UBLCP1: variants seen among roughly 807,000 people sequenced by gnomAD.
UBLCP1 encodes ubiquitin like domain containing CTD phosphatase 1.
UBLCP1 carries 28 observed loss-of-function variants against 42.4 expected under a neutral mutation model. The ratio of observed to expected loss-of-function variants is 0.66; its 90% confidence interval spans 0.49 to 0.90. UBLCP1 has a LOEUF of 0.90. UBLCP1 is among the 40% of genes least tolerant of loss of function. UBLCP1 has a pLI of 0.00. For synonymous variants in UBLCP1, 122 were observed against 120.8 expected (o/e 1.01, Z -0.07); for missense variants, 279 against 374.5 (o/e 0.75, Z 2.10).
chr5:159,285,011 G>C lies in UBLCP1; in HGVS notation c.*80G>C, dbSNP rs1753654734. 7.3e-7 allele frequency: 1 copy of C among 1,362,386 alleles called. No homozygotes were observed. The highest frequency in any genetic ancestry group is 1.0e-6 in the Non-Finnish European group (1 of 955,232). 84.4% of individuals were successfully genotyped at this position (1,362,386 alleles called of 1,614,324 possible). On this transcript the variant is annotated 3_prime_UTR_variant, in exon 11 of 11. Coordinates refer to ENST00000296786, the MANE Select transcript of UBLCP1 (RefSeq NM_145049.5). ...TTTTATGCTAGAAATCATTATGATA[G>C]TGCTGGACACTGAAGCAAATACCAT... is the stretch of plus-strand genomic sequence containing the variant.
intron 6 of UBLCP1, chr5:159,274,338 C>A: frequency 3.0e-6 from 1 of 330,680 alleles, no homozygotes; most frequent in South Asian, 7.7e-5. Context: ...GTTCAGAGTT[C>A]TTTTGAGCAT....
At position 159,263,314 on chromosome 5, in the gene UBLCP1, A is replaced by C. The variant is rs944758681; in HGVS notation, c.-93A>C. On this transcript the variant is annotated 5_prime_UTR_variant, in exon 1 of 11. Transcript: ENST00000296786. ...CACTTCCGGTCGCTTTCGGTCTCTCAGCGGCCGGTTTCTGCGTCCGCTGCC... is the reference window on the plus strand; with the variant it reads ...CACTTCCGGTCGCTTTCGGTCTCTCCGCGGCCGGTTTCTGCGTCCGCTGCC... 4.6e-5 allele frequency: 7 copies of C among 152,336 alleles called. No individual in the cohort carries two copies. The highest frequency in any genetic ancestry group is 1.0e-4 in the Non-Finnish European group (7 of 68,056). The allele number at this position is 152,336 out of a possible 1,614,324, so 9.4% of individuals were successfully genotyped here. A position where few individuals can be genotyped will look rare whatever the true frequency, so the allele number is the denominator to read the frequency against.
At chr5:159,274,891 T>C (rs1432221516) in intron 7 of UBLCP1, among the ~76,000 whole-genome samples, 2 of 152,228 alleles carry the variant, frequency 1.3e-5, no homozygotes, top group Non-Finnish European at 2.9e-5. Context: ...TTCCTTCTTT[T>C]GCTCTAGTGT....
intron 1 of UBLCP1, among the ~76,000 whole-genome samples, chr5:159,267,030 A>G (rs1562097810): frequency 6.6e-6 from 1 of 152,194 alleles, no homozygotes; most frequent in Non-Finnish European, 1.5e-5. Flanking sequence ...CAGAGTCCCT[A>G]CTGGGGCACT....
chr5:159,267,738 A>G lies in UBLCP1; in HGVS notation c.-46-1132A>G, dbSNP rs1381826956. 2.6e-5 allele frequency among the ~76,000 whole-genome samples: 4 copies of G among 152,200 alleles called. No individual in the cohort carries two copies. The East Asian group carries it at 5.8e-4, about 22-fold the overall frequency. ...TCTTTCCCATGCTATTCTCATGACA[A>G]TGAATAAGTCTCATGAGATCTGATG... is the stretch of plus-strand genomic sequence containing the variant. On this transcript the variant is annotated intron_variant, in intron 1 of 10. Transcript: ENST00000296786.
At chr5:159,275,065 G>T in intron 7 of UBLCP1, 83 bp from the exon 8 acceptor site, 1 of 1,211,284 alleles carries the variant, frequency 8.3e-7, no homozygotes, top group South Asian at 1.2e-5. Context: ...TTGGCATTAT[G>T]AGAAATTGCA....
chr5:159,285,004 T>C lies in UBLCP1; in HGVS notation c.*73T>C. The C allele has an allele frequency of 7.0e-7, 1 of 1,431,358 alleles. No homozygotes were observed. The highest frequency in any genetic ancestry group is 9.8e-7 in the Non-Finnish European group (1 of 1,015,434). 88.7% of individuals were successfully genotyped at this position (1,431,358 alleles called of 1,614,324 possible). ...TTCTTGCTTTTATGCTAGAAATCAT[T>C]ATGATAGTGCTGGACACTGAAGCAA... On this transcript the variant is annotated 3_prime_UTR_variant, in exon 11 of 11. Transcript: ENST00000296786.
chr5:159,267,331 C>T (rs146137535), intron 1 of UBLCP1, among the ~76,000 whole-genome samples: 4 of 152,138 alleles, frequency 2.6e-5, no homozygotes, highest in Non-Finnish European at 1.5e-5. Flanking sequence ...TGCATGGGCC[C>T]TGTAACCCCT....
At chr5:159,270,031 A>G (rs1357636861) in intron 3 of UBLCP1, 32 bp downstream of exon 3, 2 of 1,535,694 alleles carry the variant, frequency 1.3e-6, no homozygotes, top group African/African-American at 1.4e-5. Context: ...CCATTTGTCC[A>G]TTTGAAGATA....
Position 159,284,903 on chromosome 5 carries a change from G to A in UBLCP1, c.930-1G>A. ...TGACATCTTTATTTTATTTCTTGCA[G>A]ATATCTCTCAAAGAAGCAAGGACAG... is the stretch of plus-strand genomic sequence containing the variant. On this transcript the variant is annotated splice_acceptor_variant, in intron 10 of 10. Transcript: ENST00000296786. LOFTEE classifies it high-confidence loss of function. The A allele has an allele frequency of 6.2e-7, 1 of 1,612,888 alleles. No homozygotes were observed. The highest frequency in any genetic ancestry group is 8.5e-7 in the Non-Finnish European group (1 of 1,179,394).
intron 10 of UBLCP1, among the ~76,000 whole-genome samples, chr5:159,283,838 T>C (rs555139310): frequency 1.8e-4 from 27 of 152,156 alleles, no homozygotes; most frequent in Non-Finnish European, 3.7e-4. Context: ...AGATAACCAC[T>C]GTTACCATCT....
In UBLCP1 at chr5:159,282,720, TGTA is replaced by T. The variant is rs1398866766; in HGVS notation, c.802-490_802-488del. 4.6e-5 allele frequency among the ~76,000 whole-genome samples: 7 copies of T among 152,210 alleles called. No homozygotes were observed. In the East Asian group the frequency reaches 7.7e-4, roughly 17 times the overall value. On this transcript the variant is annotated intron_variant, in intron 9 of 10. Coordinates refer to ENST00000296786, the MANE Select transcript of UBLCP1 (RefSeq NM_145049.5). ...ATAAAGAAAAATGCTTATGATAAAA[TGTA>T]GGAGGAAACAGGTTATATAAATGTA...
In UBLCP1 at chr5:159,276,582, A is replaced by G. The variant is rs184445619; in HGVS notation, c.684+1336A>G. Among the ~76,000 whole-genome samples, 783 of 152,344 alleles carry G rather than the reference A, an allele frequency of 5.1e-3. 9 individuals are homozygous for G. Among genetic ancestry groups the G allele is most frequent in the African/African-American group, 0.018 (740 of 41,588 alleles). ...ATTAAAGGAATAAAAATAATCCTCA[A>G]TATCCAGCAATAGGGCATTGGATAT... On this transcript the variant is annotated intron_variant, in intron 8 of 10. Coordinates refer to ENST00000296786, the MANE Select transcript of UBLCP1 (RefSeq NM_145049.5).
chr5:159,266,285 C>T (rs1402275239), intron 1 of UBLCP1, among the ~76,000 whole-genome samples: 1 of 152,156 alleles, frequency 6.6e-6, no homozygotes, highest in African/African-American at 2.4e-5. Flanking sequence ...GTAAAAGTGA[C>T]TCTTGTTATG....
intron 1 of UBLCP1, among the ~76,000 whole-genome samples, chr5:159,267,560 G>A (rs1413306037): frequency 6.6e-6 from 1 of 152,168 alleles, no homozygotes; most frequent in Non-Finnish European, 1.5e-5. Flanking sequence ...GATTGGTTTT[G>A]AAATGTGAGG....
chr5:159,282,489 C>T (rs546007603), intron 9 of UBLCP1, among the ~76,000 whole-genome samples: 4 of 152,142 alleles, frequency 2.6e-5, no homozygotes, highest in Admixed American at 6.5e-5. Context: ...TTCATAGCAC[C>T]GCCACTCAAG....
At chr5:159,264,735 T>G (rs1015399190) in intron 1 of UBLCP1, among the ~76,000 whole-genome samples, 1 of 152,194 alleles carries the variant, frequency 6.6e-6, no homozygotes, top group Non-Finnish European at 1.5e-5. Flanking sequence ...GTCCCTTCTC[T>G]CCACCCCAAT....
At chr5:159,270,121 C>A in intron 3 of UBLCP1, 122 bp downstream of exon 3, 1 of 915,446 alleles carries the variant, frequency 1.1e-6, no homozygotes, top group Non-Finnish European at 1.6e-6. Context: ...AAAAATAAAA[C>A]CCGCACCGTG....
At chr5:159,276,152 A>G (rs1002854331) in intron 8 of UBLCP1, among the ~76,000 whole-genome samples, 1 of 152,112 alleles carries the variant, frequency 6.6e-6, no homozygotes. Flanking sequence ...GCTGGGCTGG[A>G]TAATGCATGC....
Sources: gnomAD v4.1 joint callset for allele counts (sites outside exome capture counted in the v4.1 genomes callset) on GRCh38, gnomAD v4.1.1 for gene constraint, MANE v1.5 for transcripts, NCBI Gene and HGNC (gene_info 2026-07-23, HGNC 2026-07-21) for gene names.